Variants in HSP90B1 observed in about 807,000 individuals in gnomAD.
HSP90B1 encodes endoplasmin.
Under a neutral mutation model 100.4 loss-of-function variants are expected in HSP90B1, and 27 were observed. The ratio of observed to expected loss-of-function variants is 0.27; its 90% CI spans 0.20 to 0.37. The LOEUF is 0.37. Ranked by LOEUF, HSP90B1 falls within the 10% of genes least tolerant of loss-of-function variation. HSP90B1 has a pLI of 1.00. For synonymous variants in HSP90B1, 304 were observed against 330.8 expected, an observed-to-expected ratio of 0.92 and a Z score of 0.88; for missense variants, 678 against 960.5, an observed-to-expected ratio of 0.71 and a Z score of 3.89.
chr12:103,933,414 T>TA (rs2136212824), intron 4 of HSP90B1, among the ~76,000 whole-genome samples: 1 of 152,370 alleles, frequency 6.6e-6, no homozygotes, highest in Admixed American at 6.5e-5. Context: ...CATACTATTA[T>TA]AATTAAAGGC....
rs1419140182 is a variant in HSP90B1, at chr12:103,947,365, GAC to G, written c.2321_2322del (p.Thr774ArgfsTer6). On this transcript the variant is annotated frameshift_variant, in exon 17 of 18. Coordinates refer to ENST00000299767, the MANE Select transcript of HSP90B1 (RefSeq NM_003299.3). LOFTEE classifies it high-confidence loss of function. ...PEETAEDTTE[D>X]TEQDEDEEMD... ...AGAGACAGCAGAAGACACAACAGAA[GAC>G]ACAGAGCAAGACGAAGATGAAGAAA... The G allele has an allele frequency of 1.2e-6, 2 of 1,608,842 alleles. No homozygotes were observed. Among genetic ancestry groups the G allele is most frequent in the Non-Finnish European group, 1.7e-6 (2 of 1,175,662 alleles).
rs117293258 is a variant in HSP90B1, at chr12:103,932,124, C to T, written c.153-153C>T. On this transcript the variant is annotated intron_variant, in intron 2 of 17. Transcript: ENST00000299767. ...TAAAGGTAGCCTACTGCTGTGCTAA[C>T]ATAATGAGACGGTATATCAGTTATA... 5,181 of 570,396 alleles carry T rather than the reference C, an allele frequency of 9.1e-3. 36 individuals carry two copies. The highest frequency in any genetic ancestry group is 0.012 in the Non-Finnish European group (4,081 of 327,500). The allele number at this position is 570,396 out of a possible 1,614,324, so 35.3% of individuals were successfully genotyped here.
chr12:103,941,564 T>A lies in HSP90B1; in HGVS notation c.1230+17T>A. 6.2e-7 allele frequency: 1 copy of A among 1,614,038 alleles called. No homozygotes were observed. Among genetic ancestry groups the A allele is most frequent in the South Asian group, 1.1e-5 (1 of 91,074 alleles). ...TACATTAAGGTGAGTTTTTAAGTAG[T>A]ACATGCTGCGTTTAAAATTTGAAAG... On this transcript the variant is annotated intron_variant, in intron 9 of 17. Transcript: ENST00000299767.
rs1869727096 is a variant in HSP90B1 at position 103,930,780 on chromosome 12, C to A, written c.49+216C>A. On this transcript the variant is annotated intron_variant, in intron 1 of 17. Coordinates refer to ENST00000299767, the MANE Select transcript of HSP90B1 (RefSeq NM_003299.3). This position sits in a 1 kb window ranked among gnomAD's most constrained non-coding sequence, Gnocchi z 4.4. ...AACATCATCTAACTGCCCTACAGATCTAATAGTATCTCGCCCGGAGGTCTC... is the reference window on the plus strand; with the variant it reads ...AACATCATCTAACTGCCCTACAGATATAATAGTATCTCGCCCGGAGGTCTC... 6.6e-6 allele frequency among the ~76,000 whole-genome samples: 1 copy of A among 152,296 alleles called. No homozygotes were observed. The highest frequency in any genetic ancestry group is 1.5e-5 in the Non-Finnish European group (1 of 68,022).
At position 103,947,804 on chromosome 12, in the gene HSP90B1, A is replaced by G. The variant is rs753869109; in HGVS notation, c.*142A>G. 1.3e-6 allele frequency: 1 copy of G among 756,736 alleles called. No individual in the cohort carries two copies. The highest frequency in any genetic ancestry group is 2.4e-5 in the Admixed American group (1 of 42,048). The allele number at this position is 756,736 out of a possible 1,614,324, so 46.9% of individuals were successfully genotyped here. Reference sequence around the variant, plus strand: ...AATGTGGGATTATGGGTCACAGGAAAAAGTGGGTTTTTTAGTTGAATTTTT... The same window carrying G: ...AATGTGGGATTATGGGTCACAGGAAGAAGTGGGTTTTTTAGTTGAATTTTT... On this transcript the variant is annotated 3_prime_UTR_variant, in exon 18 of 18. Transcript: ENST00000299767.
At position 103,931,059 on chromosome 12, in the gene HSP90B1, C is replaced by T. The variant is rs541783923; in HGVS notation, c.50-462C>T. On this transcript the variant is annotated intron_variant, in intron 1 of 17. Transcript: ENST00000299767. ...TGTTTGATTCAGTTTTGCTGGAGTTCGGTTCTTAACATTTCTCCCCCTTCT... is the reference window on the plus strand; with the variant it reads ...TGTTTGATTCAGTTTTGCTGGAGTTTGGTTCTTAACATTTCTCCCCCTTCT... Among the ~76,000 whole-genome samples the T allele has an allele frequency of 1.8e-4, 27 of 152,322 alleles. No homozygotes were observed. The East Asian group carries it at 4.8e-3, about 27-fold the overall frequency.
intron 4 of HSP90B1, 77 bp from the exon 5 acceptor site, chr12:103,933,879 G>C (rs534735253): frequency 6.8e-6 from 8 of 1,169,056 alleles, no homozygotes; most frequent in Non-Finnish European, 9.8e-6. Context: ...GGGACCCAAA[G>C]CTGGTTAGTT....
chr12:103,937,658 A>G (rs1255922972), intron 5 of HSP90B1, 37 bp from the exon 6 acceptor site: 1 of 979,492 alleles, frequency 1.0e-6, no homozygotes, highest in African/African-American at 1.6e-5. Context: ...GATCTTCTAA[A>G]TGTTAGGTGT....
At chr12:103,945,152 T>A (rs2136217449) in intron 14 of HSP90B1, among the ~76,000 whole-genome samples, 2 of 150,738 alleles carry the variant, frequency 1.3e-5, no homozygotes, top group Middle Eastern at 6.8e-3. Context: ...CTAGTGAAAA[T>A]GACAAATCAA....
At chr12:103,933,062 T>C in intron 4 of HSP90B1, 120 bp downstream of exon 4, 1 of 631,000 alleles carries the variant, frequency 1.6e-6, no homozygotes, top group Admixed American at 2.6e-5. Context: ...CAAGTCTCAG[T>C]GGCTTGAAAG....
At chr12:103,946,085 T>C (rs1464718019) in intron 14 of HSP90B1, among the ~76,000 whole-genome samples, 1 of 152,218 alleles carries the variant, frequency 6.6e-6, no homozygotes, top group Non-Finnish European at 1.5e-5. Context: ...CTTTAAATAA[T>C]CTATAGATTA....
chr12:103,939,707 G>A lies in HSP90B1; in HGVS notation c.1092+82G>A. 9.2e-6 allele frequency: 6 copies of A among 651,722 alleles called. No individual in the cohort carries two copies. The South Asian group carries it at 1.3e-4, about 14-fold the overall frequency. The allele number at this position is 651,722 out of a possible 1,614,324, so 40.4% of individuals were successfully genotyped here. A position where few individuals can be genotyped will look rare whatever the true frequency, so the allele number is the denominator to read the frequency against. On this transcript the variant is annotated intron_variant, in intron 8 of 17. Coordinates refer to ENST00000299767, the MANE Select transcript of HSP90B1 (RefSeq NM_003299.3). ...CTCTTAGTTTAATTGTATATGGTATGTGACCATGAATATGAGATGGTCCAT... is the reference window on the plus strand; with the variant it reads ...CTCTTAGTTTAATTGTATATGGTATATGACCATGAATATGAGATGGTCCAT...
chr12:103,945,923 A>AGG (rs1870213877), intron 14 of HSP90B1, among the ~76,000 whole-genome samples: 1 of 152,130 alleles, frequency 6.6e-6, no homozygotes, highest in South Asian at 2.1e-4. Flanking sequence ...GTCTCTATAA[A>AGG]AACTAAATAA....
intron 14 of HSP90B1, among the ~76,000 whole-genome samples, chr12:103,945,384 A>G (rs1417519567): frequency 6.6e-6 from 1 of 152,218 alleles, no homozygotes; most frequent in South Asian, 2.1e-4. Flanking sequence ...CAGGATAGGG[A>G]AGGATGTGGT....
rs1171216239 is a variant in HSP90B1, at chr12:103,932,820, A to G, written c.295-6A>G. On this transcript the variant is annotated splice_polypyrimidine_tract_variant and splice_region_variant and intron_variant, in intron 3 of 17. Transcript: ENST00000299767. ...TCTAAGTGTATTCCCTCTGGCTTCCATTTAGATTTTCCTGAGAGAACTGAT... is the reference window on the plus strand; with the variant it reads ...TCTAAGTGTATTCCCTCTGGCTTCCGTTTAGATTTTCCTGAGAGAACTGAT... The G allele has an allele frequency of 1.4e-6, 2 of 1,439,058 alleles. No individual in the cohort carries two copies. The highest frequency in any genetic ancestry group is 2.0e-6 in the Non-Finnish European group (2 of 1,021,806). The allele number at this position is 1,439,058 out of a possible 1,614,324, so 89.1% of individuals were successfully genotyped here. A position where few individuals can be genotyped will look rare whatever the true frequency, so the allele number is the denominator to read the frequency against.
At position 103,941,820 on chromosome 12, in the gene HSP90B1, T is replaced by C. The variant is rs758771639; in HGVS notation, c.1309-12T>C. 3.1e-6 allele frequency: 5 copies of C among 1,613,376 alleles called. No individual in the cohort carries two copies. The Admixed American group carries it at 8.3e-5, about 27-fold the overall frequency. Reference sequence around the variant, plus strand: ...TTTTATTGCTCACTGAACTTTCTTTTGCCATCTGAAGGTGGACTCAGATGA... The same window carrying C: ...TTTTATTGCTCACTGAACTTTCTTTCGCCATCTGAAGGTGGACTCAGATGA... On this transcript the variant is annotated splice_polypyrimidine_tract_variant and intron_variant, in intron 10 of 17. Coordinates refer to ENST00000299767, the MANE Select transcript of HSP90B1 (RefSeq NM_003299.3).
Position 103,943,723 on chromosome 12 carries a change from A to C in HSP90B1, c.1891-15A>C. ...TGTTGATATTAATTTATATGACTTG[A>C]TTTCTTTCCCTAAGATTGAAAAGGC... On this transcript the variant is annotated splice_polypyrimidine_tract_variant and intron_variant, in intron 13 of 17. Transcript: ENST00000299767. This position sits in a 1 kb window ranked among gnomAD's most constrained non-coding sequence, Gnocchi z 5.3. 1 of 1,609,506 alleles carries C rather than the reference A, an allele frequency of 6.2e-7. No individual in the cohort carries two copies. The highest frequency in any genetic ancestry group is 8.5e-7 in the Non-Finnish European group (1 of 1,178,078).
chr12:103,938,712 A>T (rs561939877), intron 7 of HSP90B1: 7 of 205,902 alleles, frequency 3.4e-5, no homozygotes, highest in African/African-American at 1.2e-4. Flanking sequence ...CTGGTGGCTT[A>T]TATGTTTGGA....
chr12:103,931,912 G>C lies in HSP90B1; in HGVS notation c.152+289G>C, dbSNP rs546213246. 4.7e-4 allele frequency: 211 copies of C among 448,190 alleles called. 1 individual carries two copies. Among genetic ancestry groups the C allele is most frequent in the Non-Finnish European group, 8.2e-4 (199 of 242,778 alleles). 27.8% of individuals were successfully genotyped at this position (448,190 alleles called of 1,614,324 possible). On this transcript the variant is annotated intron_variant, in intron 2 of 17. Transcript: ENST00000299767. ...TGTATTCATTAACTGTGTACACCGA[G>C]TAAGTTTAAAAATGGGATTTCTGTC...
Sources: gnomAD v4.1 joint callset for allele counts (sites outside exome capture counted in the v4.1 genomes callset) on GRCh38, gnomAD v4.1.1 for gene constraint, Gnocchi (gnomAD v3.1) non-coding constraint, MANE v1.5 for transcripts, NCBI Gene and HGNC (gene_info 2026-07-23, HGNC 2026-07-21) for gene names.